NRXN2: variants seen among roughly 807,000 people sequenced by gnomAD.
NRXN2 encodes neurexin 2.
A neutral mutation model predicts 128.8 loss-of-function variants in NRXN2; 29 were observed. The observed-to-expected ratio is 0.23, with a 90% CI of 0.17 to 0.31. NRXN2 has a LOEUF of 0.31. NRXN2 is among the 10% of genes least tolerant of loss of function. The pLI is 1.00. For synonymous variants in NRXN2, 1,098 were observed against 1,075.2 expected (o/e 1.02, Z -0.41); for missense variants, 1,881 against 2,452.6 (o/e 0.77, Z 4.92).
intron 17 of NRXN2, among the ~76,000 whole-genome samples, chr11:64,647,626 G>A (rs1440109944): frequency 6.6e-6 from 1 of 152,198 alleles, no homozygotes; most frequent in Non-Finnish European, 1.5e-5. Flanking sequence ...GGCTCAAGGG[G>A]ACAAACTGCA....
chr11:64,686,628 C>G (rs1213950349), intron 5 of NRXN2, among the ~76,000 whole-genome samples: 2 of 152,192 alleles, frequency 1.3e-5, no homozygotes, highest in Non-Finnish European at 2.9e-5. Flanking sequence ...CATGGGTGGC[C>G]ACAGCCCCAG....
chr11:64,684,448 A>G (rs1005731126), intron 6 of NRXN2, among the ~76,000 whole-genome samples: 17 of 152,200 alleles, frequency 1.1e-4, no homozygotes, highest in African/African-American at 3.9e-4. Context: ...CCCTAAGAAT[A>G]GGCACATTAG....
chr11:64,617,218 G>C (rs1044107098), intron 22 of NRXN2, among the ~76,000 whole-genome samples: 2 of 152,022 alleles, frequency 1.3e-5, no homozygotes, highest in African/African-American at 4.8e-5. Flanking sequence ...TTGCTGGTGG[G>C]TATGTAAATG....
In NRXN2 at chr11:64,631,411, C is replaced by G. The variant is rs2043886136; in HGVS notation, c.3586-838G>C. Among the ~76,000 whole-genome samples the G allele has an allele frequency of 6.6e-6, 1 of 152,126 alleles. No homozygotes were observed. Among genetic ancestry groups the G allele is most frequent in the Non-Finnish European group, 1.5e-5 (1 of 68,008 alleles). On this transcript the variant is annotated intron_variant, in intron 18 of 22. Transcript: ENST00000265459. The surrounding 1 kb of genome is among the most constrained non-coding windows in gnomAD (Gnocchi z 4.8). ...CTGGGACCCAGGCCCACGGGACACT[C>G]TGCAGAGGCAACCCAGGATCAGCCC... is the stretch of plus-strand genomic sequence containing the variant.
intron 22 of NRXN2, among the ~76,000 whole-genome samples, chr11:64,619,734 A>C (rs571599162): frequency 6.6e-6 from 1 of 152,160 alleles, no homozygotes; most frequent in Admixed American, 6.5e-5. Context: ...CAGAGCAGTC[A>C]CTGTGTTGTA....
At chr11:64,670,528 A>G (rs1025488566) in intron 7 of NRXN2, among the ~76,000 whole-genome samples, 5 of 151,964 alleles carry the variant, frequency 3.3e-5, no homozygotes, top group African/African-American at 1.2e-4. Flanking sequence ...CCAGCCCTCC[A>G]CCTCCACTCT....
intron 9 of NRXN2, chr11:64,661,489 T>C (rs1486817851): frequency 3.5e-5 from 32 of 919,020 alleles, no homozygotes; most frequent in Non-Finnish European, 4.1e-5. Context: ...GATCATTCAC[T>C]GGGTCATTCC....
chr11:64,657,169 C>T (rs1186731882), intron 11 of NRXN2, among the ~76,000 whole-genome samples: 1 of 152,348 alleles, frequency 6.6e-6, no homozygotes, highest in South Asian at 2.1e-4. Context: ...AGGCCTGGGG[C>T]CTTGGTGTTG....
chr11:64,624,831 T>C (rs1471519436), intron 20 of NRXN2, among the ~76,000 whole-genome samples: 3 of 152,214 alleles, frequency 2.0e-5, no homozygotes, highest in Non-Finnish European at 1.5e-5. Context: ...ATCCAATAAA[T>C]ATTTATTGAG....
At chr11:64,697,871 A>C (rs370961368) in intron 2 of NRXN2, 79 bp from the exon 3 acceptor site, 33 of 1,538,412 alleles carry the variant, frequency 2.1e-5, no homozygotes, top group Non-Finnish European at 3.0e-5. Context: ...TACCACGGAC[A>C]GGGGCTCCAA....
At chr11:64,698,959 A>T (rs1410585386) in intron 2 of NRXN2, among the ~76,000 whole-genome samples, 2 of 152,208 alleles carry the variant, frequency 1.3e-5, no homozygotes, top group Non-Finnish European at 2.9e-5. Context: ...CCAGTGGGGA[A>T]ACACATACTT....
intron 20 of NRXN2, 123 bp downstream of exon 20, chr11:64,626,340 C>A (rs2043063238): frequency 2.6e-6 from 2 of 756,196 alleles, no homozygotes; most frequent in Non-Finnish European, 4.5e-6. Context: ...TCTGGCTGGC[C>A]AATTGTCCCT....
chr11:64,618,663 T>C (rs367651029), intron 22 of NRXN2, among the ~76,000 whole-genome samples: 1 of 152,170 alleles, frequency 6.6e-6, no homozygotes, highest in African/African-American at 2.4e-5. Flanking sequence ...AATGGAGGCA[T>C]TGGAGTGTAC....
chr11:64,659,915 C>T (rs2048784530), intron 11 of NRXN2, among the ~76,000 whole-genome samples: 1 of 152,212 alleles, frequency 6.6e-6, no homozygotes, highest in African/African-American at 2.4e-5. Flanking sequence ...TCTGCCACCA[C>T]ACTGAGCTCA....
Position 64,630,395 on chromosome 11 carries a change from C to T in NRXN2, c.3757+7G>A. 1.2e-6 allele frequency: 2 copies of T among 1,608,484 alleles called. No individual in the cohort carries two copies. Among genetic ancestry groups the T allele is most frequent in the Non-Finnish European group, 1.7e-6 (2 of 1,178,172 alleles). On this transcript the variant is annotated splice_region_variant and intron_variant, in intron 19 of 22. Coordinates refer to ENST00000265459, the MANE Select transcript of NRXN2 (RefSeq NM_015080.4). The surrounding 1 kb of genome is among the most constrained non-coding windows in gnomAD (Gnocchi z 4.6). ...CCGCGCCTCCTCCGCGGGCCCGCGC[C>T]GCCTACCTGCCGGGTACCGCTCGTT...
At position 64,622,664 on chromosome 11, in the gene NRXN2, A is replaced by G; in HGVS notation, c.4173+89T>C. ...ATCCCAACAGACCCCTTGGACCCTC[A>G]CTCTAGGCACCACTACTGTGGCTAT... On this transcript the variant is annotated intron_variant, in intron 21 of 22. Coordinates refer to ENST00000265459, the MANE Select transcript of NRXN2 (RefSeq NM_015080.4). This position sits in a 1 kb window ranked among gnomAD's most constrained non-coding sequence, Gnocchi z 4.3. 1 of 1,519,294 alleles carries G rather than the reference A, an allele frequency of 6.6e-7. No individual in the cohort carries two copies. The highest frequency in any genetic ancestry group is 8.9e-7 in the Non-Finnish European group (1 of 1,127,498). 94.1% of individuals were successfully genotyped at this position (1,519,294 alleles called of 1,614,324 possible). A position where few individuals can be genotyped will look rare whatever the true frequency, so the allele number is the denominator to read the frequency against.
chr11:64,703,363 A>G (rs1200856390), intron 2 of NRXN2, among the ~76,000 whole-genome samples: 1 of 152,212 alleles, frequency 6.6e-6, no homozygotes, highest in African/African-American at 2.4e-5. Context: ...CCACTGCTAC[A>G]TTGTGAATGG....
intron 21 of NRXN2, 131 bp from the exon 22 acceptor site, chr11:64,620,503 C>T (rs2042167259): frequency 1.1e-5 from 8 of 722,830 alleles, no homozygotes; most frequent in Non-Finnish European, 2.0e-5. Context: ...GGTCTGAGTC[C>T]CAGCCCTCCC....
intron 6 of NRXN2, among the ~76,000 whole-genome samples, chr11:64,683,615 A>T (rs1207217): frequency 1.4e-5 from 2 of 146,134 alleles, no homozygotes; most frequent in Non-Finnish European, 3.0e-5. Flanking sequence ...GTGAGACTCC[A>T]TCTCAAAAAA....
Sources: allele counts gnomAD v4.1 joint callset (sites outside exome capture counted in the v4.1 genomes callset), GRCh38; gene constraint gnomAD v4.1.1; non-coding constraint Gnocchi (gnomAD v3.1); transcripts MANE v1.5; gene names NCBI Gene and HGNC (gene_info 2026-07-23, HGNC 2026-07-21).